Variants in GANC observed in about 807,000 individuals in gnomAD.
GANC encodes the protein neutral alpha-glucosidase C.
Under a neutral mutation model 124.2 loss-of-function variants are expected in GANC, and 117 were observed. The ratio of observed to expected loss-of-function variants is 0.94; its 90% confidence interval spans 0.81 to 1.10. The LOEUF (loss-of-function observed/expected upper bound fraction) is 1.10, where lower values mean the gene tolerates loss of function less well. Among genes scored for constraint, GANC ranks in the 50% least tolerant of loss-of-function variants. The pLI is 0.00. For missense variants in GANC, 1,140 were observed against 1,095.0 expected (o/e 1.04, Z -0.58); for synonymous variants, 377 against 376.8 (o/e 1.00, Z -0.01).
chr15:42,279,143 T>A (rs2051706439), intron 3 of GANC, among the ~76,000 whole-genome samples: 3 of 152,256 alleles, frequency 2.0e-5, no homozygotes, highest in South Asian at 4.1e-4. Context: ...TCCTTTTGTT[T>A]AGTCTTCGTA....
intron 2 of GANC, among the ~76,000 whole-genome samples, chr15:42,276,923 T>C (rs919935697): frequency 2.0e-5 from 3 of 152,206 alleles, no homozygotes; most frequent in African/African-American, 7.2e-5. Context: ...GAGAAATTCA[T>C]ATGAGTGCAT....
At chr15:42,321,303 A>G (rs1236965525) in intron 10 of GANC, among the ~76,000 whole-genome samples, 1 of 152,178 alleles carries the variant, frequency 6.6e-6, no homozygotes, top group East Asian at 1.9e-4. Flanking sequence ...ATTCAGTTTC[A>G]TCTTCTACTG....
intron 10 of GANC, among the ~76,000 whole-genome samples, chr15:42,312,169 C>T (rs2052056583): frequency 6.6e-6 from 1 of 152,188 alleles, no homozygotes; most frequent in Non-Finnish European, 1.5e-5. Flanking sequence ...AATGGAAAAG[C>T]TGATCTTCCA....
rs1595789291 is a variant in GANC, at chr15:42,353,325, A to G, written c.*1186A>G. ...TGTGCCTTCTGATCCCTGGGCGCCA[A>G]TATCCTCCTGCCCTTACCATCCTTC... On this transcript the variant is annotated 3_prime_UTR_variant, in exon 24 of 24. Transcript: ENST00000318010. 5 of 986,144 alleles carry G rather than the reference A, an allele frequency of 5.1e-6. No homozygotes were observed. The highest frequency in any genetic ancestry group is 1.7e-5 in the African/African-American group (1 of 57,196). The allele number at this position is 986,144 out of a possible 1,614,324, so 61.1% of individuals were successfully genotyped here. A position where few individuals can be genotyped will look rare whatever the true frequency, so the allele number is the denominator to read the frequency against.
intron 15 of GANC, 97 bp downstream of exon 15, chr15:42,330,769 C>CTTTTTTT: frequency 2.7e-6 from 1 of 365,356 alleles, no homozygotes; most frequent in Non-Finnish European, 4.3e-6. Context: ...CCTTCCTTTT[C>CTTTTTTT]CTTTTTTTTT....
At position 42,327,363 on chromosome 15, in the gene GANC, G is replaced by A. The variant is rs766535365; in HGVS notation, c.1421G>A (p.Gly474Asp). 1 of 1,611,164 alleles carries A rather than the reference G, an allele frequency of 6.2e-7. No individual in the cohort carries two copies. Among genetic ancestry groups the A allele is most frequent in the Non-Finnish European group, 8.5e-7 (1 of 1,178,182 alleles). Residue 474 changes from glycine (G) to aspartate (D), a missense_variant and splice_region_variant, in exon 13 of 24, where the codon GGT becomes GAT. Gly to Asp is a moderately conservative substitution (Grantham distance 94). Transcript: ENST00000318010. ...GCTATCTACTGTTCTGCCTCCACAG[G>A]TCTCTCCTCTTACCTGGATTTCACC... ...GEDFEGVCWP[G>D]LSSYLDFTNP...
chr15:42,318,306 G>A (rs1375707118), intron 10 of GANC, among the ~76,000 whole-genome samples: 1 of 152,108 alleles, frequency 6.6e-6, no homozygotes, highest in Non-Finnish European at 1.5e-5. Context: ...CATTTGCATT[G>A]GAGGTACTCT....
At chr15:42,304,480 T>A (rs1448815350) in intron 6 of GANC, among the ~76,000 whole-genome samples, 2 of 152,136 alleles carry the variant, frequency 1.3e-5, no homozygotes, top group African/African-American at 4.8e-5. Context: ...CACAAACAAA[T>A]GGAAACATTC....
chr15:42,276,461 C>A, intron 2 of GANC, 51 bp downstream of exon 2: 1 of 838,122 alleles, frequency 1.2e-6, no homozygotes, highest in Non-Finnish European at 2.0e-6. Context: ...GACAGTATTT[C>A]AAAATTGATG....
At chr15:42,325,778 A>T (rs1420574832) in intron 11 of GANC, among the ~76,000 whole-genome samples, 2 of 151,982 alleles carry the variant, frequency 1.3e-5, no homozygotes, top group Non-Finnish European at 2.9e-5. Flanking sequence ...TTTTTTAGAG[A>T]TGGGGTCTTG....
At chr15:42,280,554 A>G (rs2051721521) in intron 3 of GANC, among the ~76,000 whole-genome samples, 1 of 152,184 alleles carries the variant, frequency 6.6e-6, no homozygotes, top group South Asian at 2.1e-4. Flanking sequence ...GAGGCCTTCC[A>G]GGAGTCTTTA....
intron 10 of GANC, among the ~76,000 whole-genome samples, chr15:42,315,786 A>T (rs1488004993): frequency 6.6e-6 from 1 of 152,110 alleles, no homozygotes; most frequent in African/African-American, 2.4e-5. Context: ...CTCATCCAGT[A>T]GTTGAAGGCC....
chr15:42,323,000 C>T (rs2141057846), intron 11 of GANC, among the ~76,000 whole-genome samples: 1 of 152,310 alleles, frequency 6.6e-6, no homozygotes, highest in African/African-American at 2.4e-5. Flanking sequence ...CAGAGCCCAT[C>T]CAGTTAACTC....
chr15:42,281,245 T>C (rs1330293202), intron 3 of GANC: 2 of 631,356 alleles, frequency 3.2e-6, no homozygotes, highest in Non-Finnish European at 5.7e-6. Flanking sequence ...GAACTCCATT[T>C]TAATGTCCTC....
chr15:42,300,021 A>G (rs1040978028), intron 6 of GANC, among the ~76,000 whole-genome samples: 21 of 152,202 alleles, frequency 1.4e-4, no homozygotes, highest in African/African-American at 4.3e-4. Flanking sequence ...CTAGAAGAAA[A>G]CCTAGACAAT....
chr15:42,277,662 G>A (rs1175805711), intron 2 of GANC, among the ~76,000 whole-genome samples: 39 of 151,462 alleles, frequency 2.6e-4, no homozygotes, highest in African/African-American at 8.7e-4. Flanking sequence ...GTGCAGTGGC[G>A]CAATCACTGC....
At chr15:42,331,373 A>G (rs1311010792) in intron 15 of GANC, among the ~76,000 whole-genome samples, 2 of 152,218 alleles carry the variant, frequency 1.3e-5, no homozygotes, top group African/African-American at 4.8e-5. Context: ...CCACTTAGAA[A>G]TGTGGCTTAA....
At chr15:42,278,617 A>G in intron 3 of GANC, 27 bp downstream of exon 3, 1 of 1,498,412 alleles carries the variant, frequency 6.7e-7, no homozygotes, top group Non-Finnish European at 9.2e-7. Flanking sequence ...TTCTACAGAG[A>G]ATAATTTGTT....
chr15:42,273,235 T>G lies in GANC; in HGVS notation c.-1247T>G, dbSNP rs750851583. The G allele has an allele frequency of 6.2e-7, 1 of 1,613,796 alleles. No individual in the cohort carries two copies. Among genetic ancestry groups the G allele is most frequent in the East Asian group, 2.2e-5 (1 of 44,874 alleles). On this transcript the variant is annotated 5_prime_UTR_variant, in exon 1 of 24. Coordinates refer to ENST00000318010, the MANE Select transcript of GANC (RefSeq NM_198141.3). Reference sequence around the variant, plus strand: ...CCCCTTGCTCCTCTAGGTTCAGACGTTAGTGAAGTGAATACTCACCGACGG... The same window carrying G: ...CCCCTTGCTCCTCTAGGTTCAGACGGTAGTGAAGTGAATACTCACCGACGG...
Sources: gnomAD v4.1 joint callset for allele counts (sites outside exome capture counted in the v4.1 genomes callset) on GRCh38, gnomAD v4.1.1 for gene constraint, MANE v1.5 for transcripts, NCBI Gene and HGNC (gene_info 2026-07-23, HGNC 2026-07-21) for gene names.